SMARCAD1: variants seen among roughly 807,000 people sequenced by gnomAD.
SMARCAD1 encodes the protein SNF2 related chromatin remodeling ATPase with DExD box 1, also known as SWI/SNF-related matrix-associated actin-dependent regulator of chromatin subfamily A containing DEAD/H box 1.
A neutral mutation model predicts 127.1 loss-of-function variants in SMARCAD1; 25 were observed. That is an observed-to-expected ratio of 0.20 (90% confidence interval 0.14 to 0.27). The LOEUF (loss-of-function observed/expected upper bound fraction) is 0.27. SMARCAD1 is among the 10% of genes least tolerant of loss of function. The probability of loss-of-function intolerance (pLI) is 1.00; values close to 1 mark genes in which losing one functional copy is unlikely to be tolerated. For synonymous variants in SMARCAD1, 400 were observed against 396.9 expected (o/e 1.01, Z -0.09); for missense variants, 807 against 1,206.0 (o/e 0.67, Z 4.90).
chr4:94,280,116 C>T (rs1439895110), intron 19 of SMARCAD1, among the ~76,000 whole-genome samples: 4 of 152,156 alleles, frequency 2.6e-5, no homozygotes, highest in Non-Finnish European at 4.4e-5. Context: ...TTACCCACCT[C>T]GGCTTCCCAA....
At chr4:94,227,656 T>G (rs1745231817) in intron 3 of SMARCAD1, among the ~76,000 whole-genome samples, 1 of 152,176 alleles carries the variant, frequency 6.6e-6, no homozygotes, top group South Asian at 2.1e-4. Context: ...GGTGACTGTT[T>G]CTGCTGTGGG....
chr4:94,288,252 C>A (rs1249560785), intron 23 of SMARCAD1, among the ~76,000 whole-genome samples: 3 of 147,770 alleles, frequency 2.0e-5, no homozygotes, highest in Non-Finnish European at 3.1e-5. Context: ...AGATTTCTCT[C>A]ATTTGTCCCC....
At chr4:94,273,453 T>A (rs1392442463) in intron 11 of SMARCAD1, among the ~76,000 whole-genome samples, 164 bp from the exon 12 acceptor site, 1 of 152,250 alleles carries the variant, frequency 6.6e-6, no homozygotes. Flanking sequence ...TATAATCAAT[T>A]CTGTCATTTG....
upstream of SMARCAD1, chr4:94,207,832 T>A: frequency 3.0e-6 from 1 of 328,004 alleles, no homozygotes; most frequent in Non-Finnish European, 6.0e-6. Context: ...GTGTTCTTAA[T>A]CCTATCAGCT....
intron 6 of SMARCAD1, among the ~76,000 whole-genome samples, chr4:94,247,072 G>A (rs550245770): frequency 2.0e-5 from 3 of 151,850 alleles, no homozygotes; most frequent in Non-Finnish European, 2.9e-5. Context: ...GGGATGGGAT[G>A]GTGGTGTCAA....
At chr4:94,265,998 A>G (rs1309396024) in intron 10 of SMARCAD1, among the ~76,000 whole-genome samples, 1 of 150,984 alleles carries the variant, frequency 6.6e-6, no homozygotes, top group African/African-American at 2.4e-5. Context: ...CAAGGTATGG[A>G]AAAAAAAACA....
At chr4:94,257,462 C>CT (rs1370765933) in intron 9 of SMARCAD1, among the ~76,000 whole-genome samples, 1 of 151,946 alleles carries the variant, frequency 6.6e-6, no homozygotes. Flanking sequence ...TTTCTTAAAT[C>CT]TTTTTTGGGG....
chr4:94,241,213 T>C (rs577764494), intron 6 of SMARCAD1, among the ~76,000 whole-genome samples: 1 of 152,354 alleles, frequency 6.6e-6, no homozygotes, highest in East Asian at 1.9e-4. Flanking sequence ...GACTATTTTG[T>C]GTCTGTGGAT....
rs1481698995 is a variant in SMARCAD1 at position 94,250,958 on chromosome 4, GA to G, written c.889+128del. ...AGAGGGTGGGATTGCAAAAGATGTT[GA>G]AAGTAATGATGTAAAAACATTCTTT... On this transcript the variant is annotated intron_variant, in intron 8 of 23. Transcript: ENST00000354268. The G allele has an allele frequency of 1.5e-5, 10 of 679,370 alleles. No homozygotes were observed. The South Asian group carries it at 2.0e-4, about 14-fold the overall frequency. The allele number at this position is 679,370 out of a possible 1,614,324, so 42.1% of individuals were successfully genotyped here. A position where few individuals can be genotyped will look rare whatever the true frequency, so the allele number is the denominator to read the frequency against.
chr4:94,290,845 T>C lies in SMARCAD1; in HGVS notation c.*1311T>C. On this transcript the variant is annotated 3_prime_UTR_variant, in exon 24 of 24. Transcript: ENST00000354268. Reference sequence around the variant, plus strand: ...AAGATTTGTTAATTTTTGGAAATCATGCTTTTCAAAGCATCCTAACTTGCT... The same window carrying C: ...AAGATTTGTTAATTTTTGGAAATCACGCTTTTCAAAGCATCCTAACTTGCT... 1 of 440,736 alleles carries C rather than the reference T, an allele frequency of 2.3e-6. No individual in the cohort carries two copies. The highest frequency in any genetic ancestry group is 1.7e-5 in the South Asian group (1 of 59,466). 27.3% of individuals were successfully genotyped at this position (440,736 alleles called of 1,614,324 possible).
At chr4:94,280,833 T>C in intron 20 of SMARCAD1, 53 bp downstream of exon 20, 1 of 1,543,880 alleles carries the variant, frequency 6.5e-7, no homozygotes, top group Admixed American at 1.7e-5. Flanking sequence ...CTTTAACTTC[T>C]TAAAGCAATT....
chr4:94,289,340 G>C, intron 23 of SMARCAD1, 133 bp from the exon 24 acceptor site: 1 of 741,098 alleles, frequency 1.3e-6, no homozygotes, highest in Admixed American at 2.1e-5. Flanking sequence ...TTTTAACAGG[G>C]GTGAGTGACA....
Position 94,290,036 on chromosome 4 carries a change from T to TTGAAGCAGATGTTCACCAATGTCAGCA in SMARCAD1, c.*503_*529dup, listed in dbSNP as rs760541957. Reference sequence around the variant, plus strand: ...TATATAGCTTTCATTTTATTGCTATTTGAAGCAGATGTTCACCAATGTCAG... The same window carrying TTGAAGCAGATGTTCACCAATGTCAGCA: ...TATATAGCTTTCATTTTATTGCTATTTGAAGCAGATGTTCACCAATGTCAGCATGAAGCAGATGTTCACCAATGTCAG... On this transcript the variant is annotated 3_prime_UTR_variant, in exon 24 of 24. Coordinates refer to ENST00000354268, the MANE Select transcript of SMARCAD1 (RefSeq NM_020159.5). 6.6e-6 allele frequency: 3 copies of TTGAAGCAGATGTTCACCAATGTCAGCA among 454,504 alleles called. 1 individual carries two copies. The highest frequency in any genetic ancestry group is 4.7e-5 in the South Asian group (3 of 64,474). The allele number at this position is 454,504 out of a possible 1,614,324, so 28.2% of individuals were successfully genotyped here.
In SMARCAD1 at chr4:94,289,911, GAT is replaced by G; in HGVS notation, c.*378_*379del. The G allele has an allele frequency of 2.2e-6, 1 of 455,478 alleles. No individual in the cohort carries two copies. Among genetic ancestry groups the G allele is most frequent in the Non-Finnish European group, 4.4e-6 (1 of 228,656 alleles). 28.2% of individuals were successfully genotyped at this position (455,478 alleles called of 1,614,324 possible). A position where few individuals can be genotyped will look rare whatever the true frequency, so the allele number is the denominator to read the frequency against. On this transcript the variant is annotated 3_prime_UTR_variant, in exon 24 of 24. Transcript: ENST00000354268. ...TGTCTTTCACTGGATAATGTGTGTA[GAT>G]TTTTACATGTGCCTTATTTGACAAT...
At chr4:94,217,655 A>C (rs927606332) in intron 2 of SMARCAD1, among the ~76,000 whole-genome samples, 2 of 152,216 alleles carry the variant, frequency 1.3e-5, no homozygotes, top group Non-Finnish European at 2.9e-5. Flanking sequence ...TTTGTGGCCT[A>C]ATATTTAATT....
intron 8 of SMARCAD1, among the ~76,000 whole-genome samples, 194 bp downstream of exon 8, chr4:94,251,027 A>G (rs1035581727): frequency 1.3e-5 from 2 of 152,196 alleles, no homozygotes; most frequent in Non-Finnish European, 2.9e-5. Context: ...GTTCTTTATC[A>G]TAGTGTAAAA....
intron 2 of SMARCAD1, among the ~76,000 whole-genome samples, chr4:94,218,578 A>G (rs1743583699): frequency 6.7e-6 from 1 of 149,640 alleles, no homozygotes; most frequent in African/African-American, 2.5e-5. Context: ...CCGCACCCAG[A>G]CTCCTTTATG....
intron 3 of SMARCAD1, among the ~76,000 whole-genome samples, chr4:94,226,506 GAT>G (rs1491269758): frequency 8.4e-4 from 75 of 88,920 alleles, no homozygotes; most frequent in Admixed American, 5.5e-3. Flanking sequence ...GGATAACAGT[GAT>G]TTTTTTTTTT....
rs2276910 is a variant in SMARCAD1 at position 94,208,087 on chromosome 4, T to C, written c.-50+17T>C. 334,605 of 520,662 alleles carry C rather than the reference T, an allele frequency of 0.64. 110,642 individuals carry two copies. The highest frequency in any genetic ancestry group is 0.91 in the African/African-American group (47,710 of 52,642). The allele number at this position is 520,662 out of a possible 1,614,324, so 32.3% of individuals were successfully genotyped here. On this transcript the variant is annotated intron_variant, in intron 1 of 23. Transcript: ENST00000354268. The stretch of plus-strand genomic sequence containing the variant: ...CGTGCTTGGGTAAGAGGAGGTTGCA[T>C]GAGGGTCAGCTCGTGGTTTCAGTAA...
Sources: gnomAD v4.1 joint callset for allele counts (sites outside exome capture counted in the v4.1 genomes callset) on GRCh38, gnomAD v4.1.1 for gene constraint, MANE v1.5 for transcripts, NCBI Gene and HGNC (gene_info 2026-07-23, HGNC 2026-07-21) for gene names.